The following CRIP3 variants were observed in gnomAD, a reference collection of about 807,000 sequenced individuals.
CRIP3 encodes the protein cysteine rich protein 3, also known as cysteine-rich protein 3.
In CRIP3, 23 loss-of-function variants were observed where a neutral mutation model predicts 30.3. That is an observed-to-expected ratio of 0.76 (90% CI 0.55 to 1.08). The LOEUF (loss-of-function observed/expected upper bound fraction) is 1.08, where lower values mean the gene tolerates loss of function less well. Among genes scored for constraint, CRIP3 ranks in the 50% least tolerant of loss-of-function variants. The pLI is 0.00. For synonymous variants in CRIP3, 89 were observed against 97.6 expected, an observed-to-expected ratio of 0.91 and a Z score of 0.52; for missense variants, 261 against 259.3, an observed-to-expected ratio of 1.01 and a Z score of -0.04.
chr6:43,307,932 C>T (rs763169199), intron 2 of CRIP3, 36 bp from the exon 3 acceptor site: 3 of 1,609,722 alleles, frequency 1.9e-6, no homozygotes, highest in Non-Finnish European at 8.5e-7. Context: ...TTACTCAAGG[C>T]CAGCGGGAGC....
Position 43,306,288 on chromosome 6 carries a change from T to C in CRIP3, c.426A>G (p.Arg142=), listed in dbSNP as rs1778930591. 6.2e-7 allele frequency: 1 copy of C among 1,614,040 alleles called. No individual in the cohort carries two copies. Among genetic ancestry groups the C allele is most frequent in the African/African-American group, 1.3e-5 (1 of 74,904 alleles). ...YFAEKVMSLG[R]NWHRPCLRCQ... ...ACCTCAGACACGGTCGGTGCCAATT[T>C]CTGCCTAATGACATCACCTTCTCAG... is the stretch of plus-strand genomic sequence containing the variant. The change falls in exon 6 of 8, where the codon AGA becomes AGG. Residue 142 remains arginine (R), a synonymous_variant. Coordinates refer to ENST00000372569, the MANE Select transcript of CRIP3 (RefSeq NM_206922.3).
At chr6:43,308,021 G>A in intron 2 of CRIP3, 125 bp from the exon 3 acceptor site, 2 of 1,049,190 alleles carry the variant, frequency 1.9e-6, no homozygotes, top group East Asian at 2.6e-5. Context: ...CCTGGGAGGG[G>A]TGGGGGATGG....
In CRIP3 at chr6:43,307,700, G is replaced by A. The variant is rs576850505; in HGVS notation, c.240C>T (p.Pro80=). ...GAGTGGTGCAGCCAGGGCTGGGAGTGGGGGGATTGTACAAGTAGGAGCCTA... is the reference window on the plus strand; with the variant it reads ...GAGTGGTGCAGCCAGGGCTGGGAGTAGGGGGATTGTACAAGTAGGAGCCTA... ...GGVGSYLYNP[P]TPSPGCTTPL... is the part of the protein sequence containing the mutation. The change falls in exon 4 of 8, where the codon CCC becomes CCT. Residue 80 remains proline (P), a synonymous_variant. Transcript: ENST00000372569. 3.7e-5 allele frequency: 57 copies of A among 1,552,804 alleles called. No individual in the cohort carries two copies. The African/African-American group carries it at 4.3e-4, about 12-fold the overall frequency.
Position 43,305,734 on chromosome 6 carries a change from T to C in CRIP3, c.*80A>G. ...CCACCTTCCCCAACCCCCATGGGAC[T>C]GGAGATTTTTGTAGCTTCCATTGGA... is the stretch of plus-strand genomic sequence containing the variant. On this transcript the variant is annotated 3_prime_UTR_variant, in exon 8 of 8. Coordinates refer to ENST00000372569, the MANE Select transcript of CRIP3 (RefSeq NM_206922.3). 1 of 1,561,368 alleles carries C rather than the reference T, an allele frequency of 6.4e-7. No individual in the cohort carries two copies. Among genetic ancestry groups the C allele is most frequent in the East Asian group, 2.2e-5 (1 of 44,604 alleles).
intron 5 of CRIP3, 65 bp downstream of exon 5, chr6:43,306,381 A>G: frequency 6.2e-7 from 1 of 1,605,450 alleles, no homozygotes; most frequent in African/African-American, 1.3e-5. Context: ...CCTGCCTTGG[A>G]TCACCTCCCT....
chr6:43,308,741 G>A lies in CRIP3; in HGVS notation c.43+9C>T, dbSNP rs562080587. On this transcript the variant is annotated intron_variant, in intron 1 of 7. Coordinates refer to ENST00000372569, the MANE Select transcript of CRIP3 (RefSeq NM_206922.3). ...CCCATCTTCTCCCCCTCCGCAGCCC[G>A]GGCCTCACCGAAGAAAACAGGTTGC... is the stretch of plus-strand genomic sequence containing the variant. 4.9e-5 allele frequency: 79 copies of A among 1,613,860 alleles called. No individual in the cohort carries two copies. The East Asian group carries it at 9.4e-4, about 19-fold the overall frequency.
At chr6:43,308,616 T>A (rs1778995961) in intron 1 of CRIP3, 134 bp downstream of exon 1, 2 of 1,130,154 alleles carry the variant, frequency 1.8e-6, no homozygotes, top group Middle Eastern at 2.0e-4. Flanking sequence ...TGGGAGCGGG[T>A]GGTGCGGAGA....
Position 43,308,730 on chromosome 6 carries a change from C to G in CRIP3, c.43+20G>C. 1 of 1,614,032 alleles carries G rather than the reference C, an allele frequency of 6.2e-7. No individual in the cohort carries two copies. The highest frequency in any genetic ancestry group is 8.5e-7 in the Non-Finnish European group (1 of 1,180,026). On this transcript the variant is annotated intron_variant, in intron 1 of 7. Coordinates refer to ENST00000372569, the MANE Select transcript of CRIP3 (RefSeq NM_206922.3). ...CTCCCATTCGCCCCATCTTCTCCCCCTCCGCAGCCCGGGCCTCACCGAAGA... is the reference window on the plus strand; with the variant it reads ...CTCCCATTCGCCCCATCTTCTCCCCGTCCGCAGCCCGGGCCTCACCGAAGA...
rs1223259024 is a variant in CRIP3 at position 43,308,352 on chromosome 6, C to T, written c.101G>A (p.Arg34His). 2 of 1,612,336 alleles carry T rather than the reference C, an allele frequency of 1.2e-6. No individual in the cohort carries two copies. The highest frequency in any genetic ancestry group is 1.7e-6 in the Non-Finnish European group (2 of 1,179,582). The stretch of plus-strand genomic sequence containing the variant: ...GCCAGGGGACAGGATGCTGTGGCAG[C>T]GCTCACATTTCAGGCAGAAGCGGTG... ...NWHRFCLKCE[R>H]CHSILSPGGH... is the part of the protein sequence containing the mutation. The change falls in exon 2 of 8, where the codon CGC becomes CAC. Residue 34 changes from arginine to histidine, a missense_variant. Transcript: ENST00000372569.
chr6:43,305,614 C>T lies in CRIP3; in HGVS notation c.*200G>A, dbSNP rs1288228335. ...AGGATACCCTTCAAAACGGGCTGTT[C>T]CCTAACCAGATAGAAATGGGAAAGG... On this transcript the variant is annotated 3_prime_UTR_variant, in exon 8 of 8. Transcript: ENST00000372569. 3.0e-6 allele frequency: 2 copies of T among 669,476 alleles called. No individual in the cohort carries two copies. Among genetic ancestry groups the T allele is most frequent in the Non-Finnish European group, 5.2e-6 (2 of 388,064 alleles). 41.5% of individuals were successfully genotyped at this position (669,476 alleles called of 1,614,324 possible). A position where few individuals can be genotyped will look rare whatever the true frequency, so the allele number is the denominator to read the frequency against.
Position 43,305,497 on chromosome 6 carries a change from GC to G in CRIP3, c.*316del, listed in dbSNP as rs1230525318. On this transcript the variant is annotated 3_prime_UTR_variant, in exon 8 of 8. Coordinates refer to ENST00000372569, the MANE Select transcript of CRIP3 (RefSeq NM_206922.3). ...TGGGAGCCAACATTTTATTGAAGAA[GC>G]CACAGAGGCTGAAATTCAATAAACA... 2.5e-6 allele frequency: 1 copy of G among 404,860 alleles called. No homozygotes were observed. The highest frequency in any genetic ancestry group is 4.5e-6 in the Non-Finnish European group (1 of 222,220). 25.1% of individuals were successfully genotyped at this position (404,860 alleles called of 1,614,324 possible). A position where few individuals can be genotyped will look rare whatever the true frequency, so the allele number is the denominator to read the frequency against.
At chr6:43,306,750 C>T (rs1327234080) in intron 4 of CRIP3, 1 of 506,204 alleles carries the variant, frequency 2.0e-6, no homozygotes, top group African/African-American at 2.0e-5. Context: ...TCCTTTTCAT[C>T]CTCCCAGGGG....
Position 43,307,860 on chromosome 6 carries a change from C to G in CRIP3, c.175G>C (p.Gly59Arg), listed in dbSNP as rs1349868562. ...GRPYCHKPCY[G>R]ALFGPRGVNI... ...TTACCCCTGGGTCCAAAGAGAGCCC[C>G]ATAGCATGGCTTGTGGCAGTATGGC... Residue 59 changes from glycine (G) to arginine (R), a missense_variant, in exon 3 of 8, where the codon GGG becomes CGG. By Grantham distance (125) the Gly-to-Arg change is moderately radical. Transcript: ENST00000372569. 6.2e-7 allele frequency: 1 copy of G among 1,614,012 alleles called. No individual in the cohort carries two copies. Among genetic ancestry groups the G allele is most frequent in the Non-Finnish European group, 8.5e-7 (1 of 1,180,014 alleles).
At chr6:43,308,291 C>A (rs370348134) in intron 2 of CRIP3, 24 bp downstream of exon 2, 1 of 1,578,420 alleles carries the variant, frequency 6.3e-7, no homozygotes. Context: ...GTAAACAGGG[C>A]AGTGCTCCCT....
At chr6:43,307,959 T>C in intron 2 of CRIP3, 63 bp from the exon 3 acceptor site, 1 of 1,577,432 alleles carries the variant, frequency 6.3e-7, no homozygotes. Flanking sequence ...CCACAGGCCT[T>C]CACCCCAGAC....
rs891400795 is a variant in CRIP3, at chr6:43,305,590, G to C, written c.*224C>G. 6.6e-6 allele frequency: 4 copies of C among 605,844 alleles called. No individual in the cohort carries two copies. Among genetic ancestry groups the C allele is most frequent in the South Asian group, 4.0e-5 (2 of 49,522 alleles). 37.5% of individuals were successfully genotyped at this position (605,844 alleles called of 1,614,324 possible). On this transcript the variant is annotated 3_prime_UTR_variant, in exon 8 of 8. Transcript: ENST00000372569. ...AAAGGGGTTGTGATGGCCAGGAGGA[G>C]GATACCCTTCAAAACGGGCTGTTCC...
chr6:43,305,491 G>T lies in CRIP3; in HGVS notation c.*323C>A. 1 of 390,214 alleles carries T rather than the reference G, an allele frequency of 2.6e-6. No individual in the cohort carries two copies. Among genetic ancestry groups the T allele is most frequent in the Non-Finnish European group, 4.7e-6 (1 of 213,382 alleles). The allele number at this position is 390,214 out of a possible 1,614,324, so 24.2% of individuals were successfully genotyped here. A position where few individuals can be genotyped will look rare whatever the true frequency, so the allele number is the denominator to read the frequency against. On this transcript the variant is annotated 3_prime_UTR_variant, in exon 8 of 8. Transcript: ENST00000372569. ...AAGGCATGGGAGCCAACATTTTATT[G>T]AAGAAGCCACAGAGGCTGAAATTCA...
At position 43,307,716 on chromosome 6, in the gene CRIP3, T is replaced by C. The variant is rs780933627; in HGVS notation, c.224A>G (p.Tyr75Cys). Residue 75 changes from tyrosine (Y) to cysteine (C), a missense_variant, in exon 4 of 8, where the codon TAC (tyrosine) becomes TGC (cysteine). Coordinates refer to ENST00000372569, the MANE Select transcript of CRIP3 (RefSeq NM_206922.3). ...GCTGGGAGTGGGGGGATTGTACAAG[T>C]AGGAGCCTACACCACCAATGTTCAC... ...RGVNIGGVGS[Y>C]LYNPPTPSPG... The C allele has an allele frequency of 5.1e-6, 8 of 1,574,840 alleles. No individual in the cohort carries two copies. The East Asian group carries it at 1.1e-4, about 23-fold the overall frequency.
At chr6:43,306,676 C>CT in intron 4 of CRIP3, 159 bp from the exon 5 acceptor site, 1 of 618,308 alleles carries the variant, frequency 1.6e-6, no homozygotes. Flanking sequence ...GCTGAGCCCC[C>CT]TCTGACTCCA....
Sources: allele counts gnomAD v4.1 joint callset, GRCh38; gene constraint gnomAD v4.1.1; transcripts MANE v1.5; gene names NCBI Gene and HGNC (gene_info 2026-07-23, HGNC 2026-07-21).